PGBD2: variants seen among roughly 807,000 people sequenced by gnomAD.
PGBD2 encodes the protein piggyBac transposable element-derived protein 2.
Under a neutral mutation model 8.1 loss-of-function variants are expected in PGBD2, and 6 were observed. That is an observed-to-expected ratio of 0.74 (90% confidence interval 0.40 to 1.46). The LOEUF (loss-of-function observed/expected upper bound fraction) is 1.46, where lower values mean the gene tolerates loss of function less well. PGBD2 is among the 40% of genes most tolerant of loss of function. The pLI is 0.02. For missense variants in PGBD2, 802 were observed against 739.0 expected (o/e 1.09, Z -0.99); for synonymous variants, 318 against 272.2 (o/e 1.17, Z -1.66).
At chr1:248,926,344 G>A in the PGBD2 span, among the ~76,000 whole-genome samples, 1 of 152,062 alleles carries the variant, frequency 6.6e-6, no homozygotes, top group African/African-American at 2.4e-5. Context: ...ATAATGTAAA[G>A]GCTATTAAAA....
chr1:248,900,551 G>A, the PGBD2 span, among the ~76,000 whole-genome samples: 2 of 152,096 alleles, frequency 1.3e-5, no homozygotes, highest in Non-Finnish European at 2.9e-5. Context: ...CATCCTTCAT[G>A]TTAAAAACTC....
At chr1:248,925,663 G>A in the PGBD2 span, among the ~76,000 whole-genome samples, 1 of 151,200 alleles carries the variant, frequency 6.6e-6, no homozygotes, top group Non-Finnish European at 1.5e-5. Flanking sequence ...GGAAGAGGCA[G>A]GCTGCTAATC....
At chr1:248,877,897 T>C in the PGBD2 span, among the ~76,000 whole-genome samples, 1 of 152,170 alleles carries the variant, frequency 6.6e-6, no homozygotes, top group Non-Finnish European at 1.5e-5. Context: ...GCAAGTAAAA[T>C]TGGATTGAAG....
In PGBD2 at chr1:248,918,180, A is replaced by G; in HGVS notation, c.1596A>G (p.Thr532=). 1 of 1,614,210 alleles carries G rather than the reference A, an allele frequency of 6.2e-7. No homozygotes were observed. Among genetic ancestry groups the G allele is most frequent in the Non-Finnish European group, 8.5e-7 (1 of 1,180,038 alleles). ...ATCTGGAGAGCAATGCTGACACAAC[A>G]TCTCAAGGGAGGCGAAGCAGGCGGT... The part of the protein sequence containing the change: ...CVYLESNADT[T]SQGRRSRRLE... The change falls in exon 3 of 3, where the codon ACA becomes ACG. Residue 532 remains threonine, a synonymous_variant. Transcript: ENST00000329291.
the PGBD2 span, among the ~76,000 whole-genome samples, chr1:248,899,718 G>T: frequency 1.5e-4 from 22 of 145,428 alleles, no homozygotes; most frequent in South Asian, 4.7e-3. Flanking sequence ...AAATAACCAA[G>T]ATCAGAGTAG....
At chr1:248,912,893 C>G (rs1661957700) in intron 1 of PGBD2, 1 of 151,016 alleles carries the variant, frequency 6.6e-6, no homozygotes, top group Non-Finnish European at 1.5e-5. Context: ...AACCTCGCCT[C>G]CTGGGTTCCA....
At chr1:248,890,635 T>C in the PGBD2 span, among the ~76,000 whole-genome samples, 79 of 150,982 alleles carry the variant, frequency 5.2e-4, no homozygotes, top group African/African-American at 1.8e-3. Flanking sequence ...TCATACACAT[T>C]ATACACACAC....
Position 248,917,006 on chromosome 1 carries a change from C to T in PGBD2, c.422C>T (p.Pro141Leu). 1 of 1,613,686 alleles carries T rather than the reference C, an allele frequency of 6.2e-7. No individual in the cohort carries two copies. The highest frequency in any genetic ancestry group is 8.5e-7 in the Non-Finnish European group (1 of 1,179,966). The change falls in exon 3 of 3, where the codon CCC becomes CTC. Residue 141 changes from proline to leucine, a missense_variant. Coordinates refer to ENST00000329291, the MANE Select transcript of PGBD2 (RefSeq NM_170725.3). Reference protein sequence around the residue: ...IEDLKSQELSPVGLFELFFDE... With the variant: ...IEDLKSQELSLVGLFELFFDE... ...GATCTGAAAAGCCAAGAGCTGAGTC[C>T]CGTGGGCCTTTTTGAGTTGTTTTTT...
At chr1:248,895,982 G>A in the PGBD2 span, among the ~76,000 whole-genome samples, 4,547 of 151,814 alleles carry the variant, frequency 0.03, 234 homozygotes, top group African/African-American at 0.1. Flanking sequence ...TACTGCACCC[G>A]GCCCACTGTA....
the PGBD2 span, among the ~76,000 whole-genome samples, chr1:248,928,729 T>C: frequency 6.6e-6 from 1 of 152,204 alleles, no homozygotes; most frequent in African/African-American, 2.4e-5. Flanking sequence ...CTGCTTCACT[T>C]CAATAACAGC....
chr1:248,895,490 T>C, the PGBD2 span, among the ~76,000 whole-genome samples: 1 of 152,180 alleles, frequency 6.6e-6, no homozygotes, highest in Non-Finnish European at 1.5e-5. Context: ...TCCTCGTGTC[T>C]GGTGCTGTTA....
chr1:248,903,709 C>T (rs1572267491), upstream of PGBD2, among the ~76,000 whole-genome samples: 1 of 152,302 alleles, frequency 6.6e-6, no homozygotes, highest in South Asian at 2.1e-4. Flanking sequence ...AGGTCCAGCT[C>T]ACCTGATATC....
At chr1:248,915,210 G>C (rs932340362) in intron 2 of PGBD2, among the ~76,000 whole-genome samples, 1 of 152,228 alleles carries the variant, frequency 6.6e-6, no homozygotes, top group Non-Finnish European at 1.5e-5. Context: ...TGTGCAGGGT[G>C]GGAGTGGAGT....
the PGBD2 span, among the ~76,000 whole-genome samples, chr1:248,874,111 C>T: frequency 6.6e-6 from 1 of 152,164 alleles, no homozygotes; most frequent in Non-Finnish European, 1.5e-5. Flanking sequence ...AGCAAGGGGG[C>T]TACCTACCAA....
upstream of PGBD2, among the ~76,000 whole-genome samples, chr1:248,902,075 C>T (rs1661543335): frequency 6.6e-6 from 1 of 152,064 alleles, no homozygotes; most frequent in African/African-American, 2.4e-5. Context: ...TCATGACCAG[C>T]CTGGCCAACA....
rs143523484 is a variant in PGBD2, at chr1:248,907,413, C to G, written c.-48+1071C>G. Among the ~76,000 whole-genome samples, 451 of 152,348 alleles carry G rather than the reference C, an allele frequency of 3.0e-3. 5 individuals carry two copies. The highest frequency in any genetic ancestry group is 0.01 in the African/African-American group (433 of 41,572). Reference sequence around the variant, plus strand: ...TCAGTTCCCAGGGGCAGGCAGGACACAGTGGCCTTCATCTATCTCAACTGC... The same window carrying G: ...TCAGTTCCCAGGGGCAGGCAGGACAGAGTGGCCTTCATCTATCTCAACTGC... On this transcript the variant is annotated intron_variant, in intron 1 of 2. Transcript: ENST00000329291.
At chr1:248,928,536 C>G in the PGBD2 span, among the ~76,000 whole-genome samples, 1 of 152,238 alleles carries the variant, frequency 6.6e-6, no homozygotes, top group East Asian at 1.9e-4. Flanking sequence ...TTTTCACTGT[C>G]TTTTGAAAAT....
the PGBD2 span, among the ~76,000 whole-genome samples, chr1:248,928,026 A>C: frequency 6.6e-5 from 10 of 152,122 alleles, 1 homozygote; most frequent in African/African-American, 2.2e-4. Context: ...GTCACAACCC[A>C]GGGTGTTTCG....
chr1:248,922,162 C>T (rs1662298355), downstream of PGBD2, among the ~76,000 whole-genome samples: 1 of 151,768 alleles, frequency 6.6e-6, no homozygotes, highest in Non-Finnish European at 1.5e-5. Context: ...CGGGTTCACG[C>T]CATTCTCCTG....
Sources: gnomAD v4.1 joint callset for allele counts (sites outside exome capture counted in the v4.1 genomes callset) on GRCh38, gnomAD v4.1.1 for gene constraint, MANE v1.5 for transcripts, NCBI Gene and HGNC (gene_info 2026-07-23, HGNC 2026-07-21) for gene names.